Variants in GGT1 observed in about 807,000 individuals in gnomAD.
GGT1 encodes the protein gamma-glutamyltransferase 1, also known as glutathione hydrolase 1 proenzyme.
Under a neutral mutation model 56.0 loss-of-function variants are expected in GGT1, and 21 were observed. The observed-to-expected ratio is 0.38, with a 90% CI of 0.27 to 0.54. The LOEUF (loss-of-function observed/expected upper bound fraction) is 0.54. GGT1 is among the 20% of genes least tolerant of loss of function. GGT1 has a pLI of 0.82. For missense variants in GGT1, 466 were observed against 787.0 expected (o/e 0.59, Z 4.88); for synonymous variants, 238 against 342.6 (o/e 0.69, Z 3.37).
At chr22:24,615,328 T>C (rs2046991254) in intron 7 of GGT1, among the ~76,000 whole-genome samples, 1 of 152,178 alleles carries the variant, frequency 6.6e-6, no homozygotes, top group Non-Finnish European at 1.5e-5. Context: ...GCTTCTGTTA[T>C]TTCTGCTAAG....
upstream of GGT1, chr22:24,594,724 G>A (rs1601605606): frequency 6.6e-6 from 1 of 152,280 alleles, no homozygotes; most frequent in African/African-American, 2.4e-5. Context: ...TGGCACCACA[G>A]GTTTCCTCCC....
rs1291591221 is a variant in GGT1 at position 24,606,041 on chromosome 22, T to C, written c.-428-1913T>C. Among the ~76,000 whole-genome samples the C allele has an allele frequency of 4.6e-5, 4 of 86,658 alleles. 2 individuals are homozygous for C. Among genetic ancestry groups the C allele is most frequent in the Non-Finnish European group, 7.9e-5 (4 of 50,332 alleles). The allele number at this position is 86,658 out of a possible 152,430, so 56.9% of individuals were successfully genotyped here. ...TATTATATTTATATAATTTATATAATATATCATATATTATATTTATATAAT... is the reference window on the plus strand; with the variant it reads ...TATTATATTTATATAATTTATATAACATATCATATATTATATTTATATAAT... On this transcript the variant is annotated intron_variant, in intron 1 of 15. Coordinates refer to ENST00000400382, the MANE Select transcript of GGT1 (RefSeq NM_001288833.2).
At chr22:24,611,980 T>G (rs1327400116) in intron 5 of GGT1, among the ~76,000 whole-genome samples, 1 of 152,280 alleles carries the variant, frequency 6.6e-6, no homozygotes, top group Middle Eastern at 3.4e-3. Flanking sequence ...CTAATTTTTG[T>G]ATTTTTAGTA....
At chr22:24,588,203 G>A in the GGT1 span, 5 of 1,602,228 alleles carry the variant, frequency 3.1e-6, no homozygotes, top group Non-Finnish European at 4.3e-6. Flanking sequence ...CAGTGGCTGG[G>A]CTACCCTTAC....
chr22:24,586,110 C>A, the GGT1 span: 4 of 1,613,020 alleles, frequency 2.5e-6, no homozygotes, highest in Non-Finnish European at 3.4e-6. Flanking sequence ...TCCACCCAAG[C>A]CAAAGCAGGG....
upstream of GGT1, chr22:24,592,903 C>A: frequency 7.8e-7 from 1 of 1,278,398 alleles, no homozygotes; most frequent in Non-Finnish European, 9.9e-7. Flanking sequence ...GCGCTCCGGC[C>A]GCCGCTCGCG....
chr22:24,601,117 C>A (rs1022805339), upstream of GGT1, among the ~76,000 whole-genome samples: 1 of 152,146 alleles, frequency 6.6e-6, no homozygotes, highest in African/African-American at 2.4e-5. Context: ...ACAAAATGTC[C>A]TGGATAATAT....
At position 24,628,512 on chromosome 22, in the gene GGT1, G is replaced by A. The variant is rs1475295589; in HGVS notation, c.1563+124G>A. On this transcript the variant is annotated intron_variant, in intron 15 of 15. Transcript: ENST00000400382. This position sits in a 1 kb window ranked among gnomAD's most constrained non-coding sequence, Gnocchi z 5.7. The stretch of plus-strand genomic sequence containing the variant: ...CTCTCTCTAGTGCCTGGGCCATCTG[G>A]AGCCCCTGTGCCATGAGGGCCAAGC... 3 of 1,344,878 alleles carry A rather than the reference G, an allele frequency of 2.2e-6. No homozygotes were observed. The highest frequency in any genetic ancestry group is 3.1e-6 in the Non-Finnish European group (3 of 967,120). 83.3% of individuals were successfully genotyped at this position (1,344,878 alleles called of 1,614,324 possible).
chr22:24,592,692 G>A, upstream of GGT1: 1 of 1,198,310 alleles, frequency 8.3e-7, no homozygotes, highest in Non-Finnish European at 1.1e-6. Flanking sequence ...AAGACCCCGC[G>A]TGCTGCAGCC....
Position 24,627,883 on chromosome 22 carries a change from G to C in GGT1, c.1240G>C (p.Gly414Arg). 2 of 1,613,894 alleles carry C rather than the reference G, an allele frequency of 1.2e-6. No homozygotes were observed. Among genetic ancestry groups the C allele is most frequent in the South Asian group, 1.1e-5 (1 of 91,072 alleles). ...CTCCAAGGTCCGCTCCCCGGTCAGCGGGATCCTGTTCAATAATGAAATGGA... is the reference window on the plus strand; with the variant it reads ...CTCCAAGGTCCGCTCCCCGGTCAGCCGGATCCTGTTCAATAATGAAATGGA... ...FGSKVRSPVSGILFNNEMDDF... is the reference protein window; with the variant it reads ...FGSKVRSPVSRILFNNEMDDF... Residue 414 changes from glycine to arginine, a missense_variant, in exon 13 of 16, where the codon GGG becomes CGG. Gly to Arg is a moderately radical substitution (Grantham distance 125, BLOSUM62 -2). Coordinates refer to ENST00000400382, the MANE Select transcript of GGT1 (RefSeq NM_001288833.2).
At chr22:24,607,210 C>T (rs2046374176) in intron 1 of GGT1, among the ~76,000 whole-genome samples, 1 of 151,702 alleles carries the variant, frequency 6.6e-6, no homozygotes, top group Non-Finnish European at 1.5e-5. Flanking sequence ...GGCAGCAGAA[C>T]CAGTCTGCAC....
At chr22:24,618,102 A>G (rs2047182765) in intron 7 of GGT1, among the ~76,000 whole-genome samples, 1 of 152,068 alleles carries the variant, frequency 6.6e-6, no homozygotes, top group African/African-American at 2.4e-5. Flanking sequence ...TATTTTCTAT[A>G]TTTATGGGTA....
chr22:24,603,947 A>G (rs1471823160), intron 1 of GGT1, among the ~76,000 whole-genome samples: 2 of 151,226 alleles, frequency 1.3e-5, no homozygotes, highest in Admixed American at 6.6e-5. Context: ...AGCTATATAT[A>G]TAGGGATATA....
chr22:24,595,413 G>A (rs1288168817), intron 1 of GGT1, among the ~76,000 whole-genome samples: 1 of 152,194 alleles, frequency 6.6e-6, no homozygotes, highest in Non-Finnish European at 1.5e-5. Flanking sequence ...CTTCACGGAG[G>A]GCTGCTGGCC....
intron 11 of GGT1, 50 bp from the exon 12 acceptor site, chr22:24,627,382 T>TGGGGCCC: frequency 6.9e-6 from 4 of 580,418 alleles, no homozygotes; most frequent in East Asian, 4.6e-5. Context: ...CTGTGCCCCC[T>TGGGGCCC]CCCCACCCTC....
At chr22:24,588,303 G>T in the GGT1 span, 1 of 1,613,398 alleles carries the variant, frequency 6.2e-7, no homozygotes, top group Non-Finnish European at 8.5e-7. Context: ...GGCAGATCTT[G>T]TCCGAGGACT....
At position 24,628,925 on chromosome 22, in the gene GGT1, C is replaced by T. The variant is rs2047951670; in HGVS notation, c.*86C>T. On this transcript the variant is annotated 3_prime_UTR_variant, in exon 16 of 16. Transcript: ENST00000400382. The surrounding 1 kb of genome is among the most constrained non-coding windows in gnomAD (Gnocchi z 5.7). Reference sequence around the variant, plus strand: ...AAGGGGACTCTGGGGGACCGGCTTCCCCTGTGAGCAGCAGAGCAGCACAAT... The same window carrying T: ...AAGGGGACTCTGGGGGACCGGCTTCTCCTGTGAGCAGCAGAGCAGCACAAT... 6.3e-7 allele frequency: 1 copy of T among 1,593,988 alleles called. No individual in the cohort carries two copies. Among genetic ancestry groups the T allele is most frequent in the Non-Finnish European group, 8.5e-7 (1 of 1,170,266 alleles).
the GGT1 span, among the ~76,000 whole-genome samples, chr22:24,586,579 T>C: frequency 6.6e-6 from 1 of 152,248 alleles, no homozygotes; most frequent in Non-Finnish European, 1.5e-5. Flanking sequence ...TTGTCCAGGC[T>C]GGAGTGCAGT....
intron 9 of GGT1, among the ~76,000 whole-genome samples, chr22:24,622,635 C>T (rs1478130761): frequency 3.3e-5 from 5 of 151,868 alleles, no homozygotes; most frequent in Admixed American, 6.6e-5. Flanking sequence ...TGCCTTTAGT[C>T]TCAGCTACTG....
Sources: allele counts gnomAD v4.1 joint callset (sites outside exome capture counted in the v4.1 genomes callset), GRCh38; gene constraint gnomAD v4.1.1; non-coding constraint Gnocchi (gnomAD v3.1); transcripts MANE v1.5; gene names NCBI Gene and HGNC (gene_info 2026-07-23, HGNC 2026-07-21).